NLGN4Y: variants seen among roughly 807,000 people sequenced by gnomAD.
The protein encoded by NLGN4Y is neuroligin-4, Y-linked.
Under a neutral mutation model 8.4 loss-of-function variants are expected in NLGN4Y, and 4 were observed. The ratio of observed to expected loss-of-function variants is 0.48; its 90% CI spans 0.23 to 1.09. NLGN4Y has a LOEUF of 1.09. NLGN4Y is among the 50% of genes least tolerant of loss of function. NLGN4Y has a pLI of 0.19. For synonymous variants in NLGN4Y, 35 were observed against 75.6 expected (o/e 0.46, Z 2.78); for missense variants, 90 against 192.3 (o/e 0.47, Z 3.15).
intron 2 of NLGN4Y, among the ~76,000 whole-genome samples, chrY:14,635,358 T>G: frequency 3.1e-5 from 1 of 32,713 alleles, no homozygotes; most frequent in African/African-American, 1.2e-4. Flanking sequence ...TAAGTGGGTA[T>G]GCAGAGAGAT....
chrY:14,574,252 G>T, intron 1 of NLGN4Y, among the ~76,000 whole-genome samples: 2 of 32,931 alleles, frequency 6.1e-5, no homozygotes, highest in Middle Eastern at 0.014. Flanking sequence ...GGTCTCTAAG[G>T]ACTTGCTTTA....
At chrY:14,729,373 T>C in intron 4 of NLGN4Y, among the ~76,000 whole-genome samples, 1 of 33,580 alleles carries the variant, frequency 3.0e-5, no homozygotes, top group Non-Finnish European at 7.4e-5. Context: ...GGAATTAGCA[T>C]GTCATGGTTA....
Position 14,529,992 on chromosome Y carries a change from C to CATATAT in NLGN4Y, c.-112+5303_-112+5308dup, listed in dbSNP as rs368762978. 2.4e-4 allele frequency among the ~76,000 whole-genome samples: 5 copies of CATATAT among 20,754 alleles called. No individual in the cohort carries two copies. In the South Asian group the frequency reaches 6.0e-3, roughly 25 times the overall value. The allele number at this position is 20,754 out of a possible 37,273, so 55.7% of individuals were successfully genotyped here. ...ATACATGTATAAACACATATATGTA[C>CATATAT]ATATATATATATATATATATATATC... On this transcript the variant is annotated intron_variant, in intron 1 of 6. Transcript: ENST00000684976.
chrY:14,700,535 T>G (rs892884230), intron 2 of NLGN4Y, among the ~76,000 whole-genome samples: 3 of 33,829 alleles, frequency 8.9e-5, no homozygotes, highest in Non-Finnish European at 2.2e-4. Context: ...CTCTCTCTGT[T>G]TTATATTTCA....
At chrY:14,563,211 A>G in intron 1 of NLGN4Y, among the ~76,000 whole-genome samples, 4 of 33,641 alleles carry the variant, frequency 1.2e-4, no homozygotes, top group Non-Finnish European at 2.2e-4. Flanking sequence ...ATTTAGAGAT[A>G]TGTTTCATCT....
At position 14,537,825 on chromosome Y, in the gene NLGN4Y, G is replaced by C. The variant is rs751875806; in HGVS notation, c.-112+13117G>C. Among the ~76,000 whole-genome samples, 12 of 33,276 alleles carry C rather than the reference G, an allele frequency of 3.6e-4. No homozygotes were observed. The East Asian group carries it at 6.3e-3, about 17-fold the overall frequency. 89.3% of individuals were successfully genotyped at this position (33,276 alleles called of 37,273 possible). ...CATGCACCTGTAGTCCCATCTACTT[G>C]GGAGGCTGAGGCAGGAGACTTGCTT... On this transcript the variant is annotated intron_variant, in intron 1 of 6. Transcript: ENST00000684976.
intron 1 of NLGN4Y, among the ~76,000 whole-genome samples, chrY:14,573,859 G>C (rs779688238): frequency 2.8e-3 from 95 of 33,610 alleles, no homozygotes; most frequent in Non-Finnish European, 1.7e-3. Flanking sequence ...TATGTACCCA[G>C]TAGCCATTCA....
chrY:14,668,782 G>T (rs1603502317), intron 2 of NLGN4Y, among the ~76,000 whole-genome samples: 1 of 32,589 alleles, frequency 3.1e-5, no homozygotes, highest in African/African-American at 1.2e-4. Context: ...AATGATTAAA[G>T]GTGAAGGGGT....
At chrY:14,591,324 T>A (rs2080370626) in intron 1 of NLGN4Y, among the ~76,000 whole-genome samples, 1 of 33,120 alleles carries the variant, frequency 3.0e-5, no homozygotes, top group Admixed American at 2.8e-4. Flanking sequence ...CCAAGGTACC[T>A]CCAGTGAGCA....
At chrY:14,799,624 C>T in intron 4 of NLGN4Y, among the ~76,000 whole-genome samples, 1 of 33,437 alleles carries the variant, frequency 3.0e-5, no homozygotes, top group Non-Finnish European at 7.4e-5. Context: ...AATGGTGAAA[C>T]ACTTAGCTAT....
intron 1 of NLGN4Y, among the ~76,000 whole-genome samples, chrY:14,558,600 C>T (rs2080217192): frequency 3.1e-5 from 1 of 32,534 alleles, no homozygotes; most frequent in Admixed American, 2.9e-4. Context: ...GGGAAAAATA[C>T]ATACACAGAT....
intron 2 of NLGN4Y, among the ~76,000 whole-genome samples, chrY:14,645,611 T>C: frequency 3.0e-5 from 1 of 33,579 alleles, no homozygotes. Context: ...AAGTGACCTC[T>C]AAGACGAAAT....
At chrY:14,741,762 C>T in intron 4 of NLGN4Y, among the ~76,000 whole-genome samples, 1 of 33,729 alleles carries the variant, frequency 3.0e-5, no homozygotes, top group South Asian at 6.5e-4. Flanking sequence ...TTTTTTCCCC[C>T]GATGTTTAAA....
intron 1 of NLGN4Y, among the ~76,000 whole-genome samples, chrY:14,577,912 C>T (rs2080304128): frequency 3.0e-5 from 1 of 33,342 alleles, no homozygotes; most frequent in Non-Finnish European, 7.4e-5. Flanking sequence ...AGGATGAGTT[C>T]GTGTCCTTTG....
chrY:14,550,913 T>C, intron 1 of NLGN4Y, among the ~76,000 whole-genome samples: 1 of 33,692 alleles, frequency 3.0e-5, no homozygotes, highest in Admixed American at 2.7e-4. Context: ...AATGTGAATG[T>C]TGACCTGTTT....
At chrY:14,599,429 G>T (rs2080419221) in intron 1 of NLGN4Y, among the ~76,000 whole-genome samples, 1 of 31,647 alleles carries the variant, frequency 3.2e-5, no homozygotes, top group African/African-American at 1.2e-4. Context: ...GTCTTTTCAC[G>T]TTTTTCTGCC....
At chrY:14,784,006 G>C in intron 4 of NLGN4Y, among the ~76,000 whole-genome samples, 2 of 33,647 alleles carry the variant, frequency 5.9e-5, no homozygotes, top group Admixed American at 5.4e-4. Flanking sequence ...CTCAGACCTT[G>C]AACACTCTGG....
At chrY:14,591,102 A>G in intron 1 of NLGN4Y, among the ~76,000 whole-genome samples, 1 of 32,476 alleles carries the variant, frequency 3.1e-5, no homozygotes, top group East Asian at 8.1e-4. Flanking sequence ...TTTGAGGGGT[A>G]CTGATAAGGT....
intron 1 of NLGN4Y, among the ~76,000 whole-genome samples, chrY:14,571,369 G>A: frequency 8.9e-5 from 3 of 33,685 alleles, no homozygotes; most frequent in Admixed American, 2.7e-4. Flanking sequence ...ATTTTTTCAC[G>A]TTTCTGTTGG....
Sources: allele counts gnomAD v4.1 joint callset (sites outside exome capture counted in the v4.1 genomes callset), GRCh38; gene constraint gnomAD v4.1.1; transcripts MANE v1.5; gene names NCBI Gene and HGNC (gene_info 2026-07-23, HGNC 2026-07-21).